L3HYPDH: variants seen among roughly 807,000 people sequenced by gnomAD.
The protein encoded by L3HYPDH is trans-3-hydroxy-L-proline dehydratase.
L3HYPDH carries 32 observed loss-of-function variants against 26.5 expected under a neutral mutation model. The ratio of observed to expected loss-of-function variants is 1.21; its 90% confidence interval spans 0.91 to 1.62. The LOEUF (loss-of-function observed/expected upper bound fraction) is 1.62, where lower values mean the gene tolerates loss of function less well. Among genes scored for constraint, L3HYPDH ranks in the 40% most tolerant of loss-of-function variants. The pLI is 0.00. For missense variants in L3HYPDH, 554 were observed against 476.4 expected (o/e 1.16, Z -1.52); for synonymous variants, 215 against 196.6 (o/e 1.09, Z -0.78).
At chr14:59,490,745 T>C in the L3HYPDH span, among the ~76,000 whole-genome samples, 1 of 152,192 alleles carries the variant, frequency 6.6e-6, no homozygotes, top group African/African-American at 2.4e-5. Flanking sequence ...ATTTCTGTTA[T>C]ATTAATAGAA....
upstream of L3HYPDH, chr14:59,486,634 C>A: frequency 1.0e-6 from 1 of 958,140 alleles, no homozygotes; most frequent in Non-Finnish European, 1.6e-6. Flanking sequence ...GTTATTTTTG[C>A]CAAATGCTTC....
chr14:59,482,178 A>G (rs1890072958), intron 1 of L3HYPDH, among the ~76,000 whole-genome samples: 1 of 152,126 alleles, frequency 6.6e-6, no homozygotes, highest in Non-Finnish European at 1.5e-5. Context: ...TGTCATCCTC[A>G]TTTTGCAGAC....
At chr14:59,488,126 T>C (rs1890721264), upstream of L3HYPDH, among the ~76,000 whole-genome samples, 1 of 152,082 alleles carries the variant, frequency 6.6e-6, no homozygotes, top group African/African-American at 2.4e-5. Flanking sequence ...TACAAGCTAT[T>C]TATTGTTATG....
the L3HYPDH span, among the ~76,000 whole-genome samples, chr14:59,501,431 G>A: frequency 3.9e-5 from 6 of 152,120 alleles, no homozygotes; most frequent in African/African-American, 1.4e-4. Flanking sequence ...ATGAAAAGTT[G>A]TGTACTGGAC....
intron 4 of L3HYPDH, chr14:59,474,595 G>C: frequency 5.8e-6 from 4 of 691,080 alleles, no homozygotes; most frequent in Non-Finnish European, 1.1e-5. Flanking sequence ...TTAACAGCAT[G>C]TGGTCTGTTC....
chr14:59,487,702 C>T (rs370325472), upstream of L3HYPDH: 9 of 1,613,074 alleles, frequency 5.6e-6, no homozygotes, highest in Non-Finnish European at 7.6e-6. Flanking sequence ...AGAACGAATG[C>T]ACAGAAATAT....
chr14:59,472,451 C>G (rs954744121), downstream of L3HYPDH, among the ~76,000 whole-genome samples: 2 of 152,154 alleles, frequency 1.3e-5, no homozygotes, highest in Non-Finnish European at 2.9e-5. Context: ...CTGGCAGCAG[C>G]TATAACAAAG....
upstream of L3HYPDH, chr14:59,484,505 G>C: frequency 6.6e-7 from 1 of 1,518,376 alleles, no homozygotes; most frequent in Non-Finnish European, 8.9e-7. Context: ...AGGCGGAGCC[G>C]CCGAGCTCGC....
chr14:59,505,268 A>G, the L3HYPDH span: 1 of 1,509,296 alleles, frequency 6.6e-7, no homozygotes, highest in Non-Finnish European at 8.9e-7. Context: ...TTCTCAGTAC[A>G]TTTAACCACT....
chr14:59,479,463 A>G (rs1858322077), intron 1 of L3HYPDH, 112 bp from the exon 2 acceptor site: 1 of 998,636 alleles, frequency 1.0e-6, no homozygotes, highest in Non-Finnish European at 1.5e-6. Context: ...TTCTTTTCCT[A>G]TCATAAAAAT....
chr14:59,498,682 T>C, the L3HYPDH span: 7 of 1,089,142 alleles, frequency 6.4e-6, no homozygotes, highest in Non-Finnish European at 9.2e-6. Context: ...TAAAAACATT[T>C]TTAAAACATT....
intron 1 of L3HYPDH, among the ~76,000 whole-genome samples, chr14:59,480,816 C>T (rs757063592): frequency 7.9e-5 from 12 of 152,002 alleles, no homozygotes; most frequent in Admixed American, 6.5e-5. Flanking sequence ...TTGATGCTGG[C>T]GCAACATGAA....
downstream of L3HYPDH, among the ~76,000 whole-genome samples, chr14:59,469,558 TAAAAAAAA>T (rs36113229): frequency 1.2e-4 from 5 of 43,310 alleles, no homozygotes; most frequent in South Asian, 1.3e-3. Context: ...TCCATCTCAT[TAAAAAAAA>T]AAAAAAAAAA....
chr14:59,478,504 G>A (rs1889791443), intron 2 of L3HYPDH, among the ~76,000 whole-genome samples: 1 of 152,158 alleles, frequency 6.6e-6, no homozygotes, highest in Non-Finnish European at 1.5e-5. Flanking sequence ...GCATCATTTT[G>A]AGCCTGGGAA....
At chr14:59,470,893 T>C (rs1485556310), downstream of L3HYPDH, among the ~76,000 whole-genome samples, 1 of 145,072 alleles carries the variant, frequency 6.9e-6, no homozygotes, top group Non-Finnish European at 1.5e-5. Context: ...TTGTTTCATT[T>C]TGTTTACAAT....
upstream of L3HYPDH, chr14:59,484,533 G>A: frequency 2.6e-6 from 4 of 1,558,164 alleles, no homozygotes; most frequent in East Asian, 2.4e-5. Context: ...CGGATGTTCG[G>A]TGCAGCTGCC....
At chr14:59,504,220 A>C in the L3HYPDH span, 1 of 621,564 alleles carries the variant, frequency 1.6e-6, no homozygotes, top group Admixed American at 2.9e-5. Flanking sequence ...TGTTTTGTTT[A>C]TGGTTAGACT....
chr14:59,499,486 G>A, the L3HYPDH span, among the ~76,000 whole-genome samples: 1 of 152,076 alleles, frequency 6.6e-6, no homozygotes, highest in Non-Finnish European at 1.5e-5. Flanking sequence ...TTATTTTAAT[G>A]TAACCATTAA....
At chr14:59,497,667 G>T in the L3HYPDH span, among the ~76,000 whole-genome samples, 1 of 152,272 alleles carries the variant, frequency 6.6e-6, no homozygotes, top group East Asian at 1.9e-4. Context: ...ACTACAAGTT[G>T]CAGGAATGGA....
Sources: gnomAD v4.1 joint callset for allele counts (sites outside exome capture counted in the v4.1 genomes callset) on GRCh38, gnomAD v4.1.1 for gene constraint, MANE v1.5 for transcripts, NCBI Gene and HGNC (gene_info 2026-07-23, HGNC 2026-07-21) for gene names.